SSH2: variants seen among roughly 807,000 people sequenced by gnomAD.
SSH2 encodes the protein protein phosphatase Slingshot homolog 2.
In SSH2, 37 loss-of-function variants were observed where a neutral mutation model predicts 135.2. The observed-to-expected ratio is 0.27, with a 90% CI of 0.21 to 0.36. The LOEUF (loss-of-function observed/expected upper bound fraction) is 0.36. SSH2 is among the 10% of genes least tolerant of loss of function. SSH2 has a pLI of 1.00. For missense variants in SSH2, 1,408 were observed against 1,765.3 expected, an observed-to-expected ratio of 0.80 and a Z score of 3.63; for synonymous variants, 628 against 646.2, an observed-to-expected ratio of 0.97 and a Z score of 0.43.
At chr17:29,743,899 CTTTTTTCCTTTTTTTTTTTTTT>C (rs1404557559) in intron 3 of SSH2, among the ~76,000 whole-genome samples, 1 of 96,648 alleles carries the variant, frequency 1.0e-5, no homozygotes, top group Non-Finnish European at 2.1e-5. Flanking sequence ...TTTCTTTTTT[CTTTTTTCCTTTTTTTTTTTTTT>C]TTTTTTTTTT....
rs150899959 is a variant in SSH2 at position 29,873,431 on chromosome 17, C to T, written c.64-24502G>A. The stretch of plus-strand genomic sequence containing the variant: ...AAAACTAGCCGGGCATGGTGGTGCA[C>T]GCCTGTAATCCCAGCTGCTCGGGAG... On this transcript the variant is annotated intron_variant, in intron 1 of 15. Transcript: ENST00000540801. Among the ~76,000 whole-genome samples, 1,140 of 151,940 alleles carry T rather than the reference C, an allele frequency of 7.5e-3. 11 individuals are homozygous for T. Among genetic ancestry groups the T allele is most frequent in the African/African-American group, 0.022 (931 of 41,446 alleles).
At chr17:29,849,453 T>C (rs1416390799) in intron 1 of SSH2, among the ~76,000 whole-genome samples, 1 of 126,612 alleles carries the variant, frequency 7.9e-6, no homozygotes, top group Non-Finnish European at 1.6e-5. Flanking sequence ...TACTCCAGCC[T>C]GGGCGACAGA....
intron 3 of SSH2, among the ~76,000 whole-genome samples, chr17:29,784,609 A>G (rs1378788428): frequency 6.6e-6 from 1 of 152,078 alleles, no homozygotes; most frequent in Non-Finnish European, 1.5e-5. Flanking sequence ...AAAAAAAAAA[A>G]AAAGAATAAT....
chr17:29,740,293 C>A (rs1002304415), intron 3 of SSH2, among the ~76,000 whole-genome samples: 1 of 152,274 alleles, frequency 6.6e-6, no homozygotes, highest in Admixed American at 6.5e-5. Context: ...GAAACTTCAC[C>A]CAAAAGCACT....
intron 3 of SSH2, among the ~76,000 whole-genome samples, chr17:29,768,093 T>A (rs1042193568): frequency 4.6e-5 from 7 of 152,114 alleles, no homozygotes; most frequent in African/African-American, 1.4e-4. Flanking sequence ...TCTATTAAAT[T>A]AACTCAGGGC....
At chr17:29,815,333 A>G (rs2042538489) in intron 2 of SSH2, among the ~76,000 whole-genome samples, 1 of 152,072 alleles carries the variant, frequency 6.6e-6, no homozygotes, top group Admixed American at 6.5e-5. Flanking sequence ...CATGTTGGCC[A>G]GGATGGTCTC....
At position 29,761,324 on chromosome 17, in the gene SSH2, C is replaced by T. The variant is rs890667978; in HGVS notation, c.188+32570G>A. On this transcript the variant is annotated intron_variant, in intron 3 of 15. Coordinates refer to ENST00000540801, the MANE Select transcript of SSH2 (RefSeq NM_001282129.2). ...ACTCCGCATCCTGGCCTCTGCTCTG[C>T]TCCGGCACGAGGCGCAGGCTGCGCG... 2.6e-6 allele frequency: 3 copies of T among 1,149,946 alleles called. No individual in the cohort carries two copies. In the African/African-American group the frequency reaches 5.2e-5, roughly 20 times the overall value. 71.2% of individuals were successfully genotyped at this position (1,149,946 alleles called of 1,614,324 possible).
At chr17:29,795,280 A>G (rs1252630067) in intron 2 of SSH2, among the ~76,000 whole-genome samples, 1 of 152,226 alleles carries the variant, frequency 6.6e-6, no homozygotes, top group East Asian at 1.9e-4. Flanking sequence ...ATAAGACTGA[A>G]AAAGAATTAG....
intron 1 of SSH2, among the ~76,000 whole-genome samples, chr17:29,851,363 G>A (rs1487216570): frequency 6.6e-6 from 1 of 152,012 alleles, no homozygotes; most frequent in Non-Finnish European, 1.5e-5. Context: ...TTGGGAGGCG[G>A]GTGGATCACC....
chr17:29,795,048 A>G (rs181886704), intron 2 of SSH2, among the ~76,000 whole-genome samples: 1 of 152,370 alleles, frequency 6.6e-6, no homozygotes, highest in East Asian at 1.9e-4. Context: ...CTCAGAGAAT[A>G]TGTGTACTGT....
At chr17:29,823,878 CAAAAA>C (rs60064865) in intron 2 of SSH2, among the ~76,000 whole-genome samples, 1 of 85,082 alleles carries the variant, frequency 1.2e-5, no homozygotes, top group Non-Finnish European at 2.3e-5. Context: ...GACTCTGTCT[CAAAAA>C]AAAAAAAAAA....
At chr17:29,866,238 A>G (rs192878199) in intron 1 of SSH2, 1 of 152,360 alleles carries the variant, frequency 6.6e-6, no homozygotes, top group African/African-American at 2.4e-5. Context: ...TTATGTGTAG[A>G]TATTGAATTA....
intron 14 of SSH2, among the ~76,000 whole-genome samples, chr17:29,637,175 TGCAATCTC>T (rs1266335730): frequency 2.6e-5 from 4 of 152,222 alleles, no homozygotes; most frequent in African/African-American, 9.6e-5. Context: ...AGCGGCTTAC[TGCAATCTC>T]TGCCTCCCAG....
intron 1 of SSH2, among the ~76,000 whole-genome samples, chr17:29,900,215 G>A (rs1166196352): frequency 6.6e-6 from 1 of 152,170 alleles, no homozygotes; most frequent in Non-Finnish European, 1.5e-5. Flanking sequence ...TCAGGACATA[G>A]GCATGGGCAA....
At chr17:29,879,859 C>T in intron 1 of SSH2, among the ~76,000 whole-genome samples, 2 of 152,174 alleles carry the variant, frequency 1.3e-5, no homozygotes, top group South Asian at 4.1e-4. Flanking sequence ...GAAAGCAATG[C>T]CACAAATTTA....
intron 3 of SSH2, among the ~76,000 whole-genome samples, chr17:29,765,475 TA>T (rs1161825901): frequency 6.6e-6 from 1 of 152,198 alleles, no homozygotes; most frequent in African/African-American, 2.4e-5. Context: ...AACTTGAAGG[TA>T]AGACTCACCG....
intron 1 of SSH2, among the ~76,000 whole-genome samples, chr17:29,920,274 C>T (rs1165058157): frequency 1.3e-5 from 2 of 152,214 alleles, no homozygotes; most frequent in African/African-American, 4.8e-5. Context: ...TGAGCATAAT[C>T]TAGAAACTGC....
chr17:29,756,078 C>T (rs1472536270), intron 3 of SSH2, among the ~76,000 whole-genome samples: 2 of 150,844 alleles, frequency 1.3e-5, no homozygotes, highest in Non-Finnish European at 3.0e-5. Flanking sequence ...CCAGCCTGAC[C>T]AACATGGGGA....
intron 1 of SSH2, among the ~76,000 whole-genome samples, chr17:29,896,392 T>C (rs2066445097): frequency 2.1e-5 from 3 of 140,760 alleles, no homozygotes; most frequent in African/African-American, 5.3e-5. Flanking sequence ...ACATTTCATG[T>C]ATAAAATGTA....
Sources: gnomAD v4.1 joint callset for allele counts (sites outside exome capture counted in the v4.1 genomes callset) on GRCh38, gnomAD v4.1.1 for gene constraint, MANE v1.5 for transcripts, NCBI Gene and HGNC (gene_info 2026-07-23, HGNC 2026-07-21) for gene names.